Variants in PBLD observed in about 807,000 individuals in gnomAD.
PBLD encodes phenazine biosynthesis like protein domain containing.
Under a neutral mutation model 31.3 loss-of-function variants are expected in PBLD, and 26 were observed. The observed-to-expected ratio is 0.83, with a 90% confidence interval of 0.61 to 1.15. The LOEUF is 1.15. Ranked by LOEUF, PBLD falls within the 50% of genes most tolerant of loss-of-function variation. The probability of loss-of-function intolerance (pLI) is 0.00; values close to 1 mark genes in which losing one functional copy is unlikely to be tolerated. For missense variants in PBLD, 307 were observed against 351.7 expected, an observed-to-expected ratio of 0.87 and a Z score of 1.02; for synonymous variants, 114 against 129.0, an observed-to-expected ratio of 0.88 and a Z score of 0.79.
chr10:68,297,402 G>A (rs1025752146), intron 2 of PBLD, among the ~76,000 whole-genome samples: 2 of 152,206 alleles, frequency 1.3e-5, no homozygotes, highest in Non-Finnish European at 2.9e-5. Context: ...TCTTTGCATG[G>A]TTCACTCTCT....
chr10:68,312,063 G>A (rs2044676547), intron 1 of PBLD, among the ~76,000 whole-genome samples: 1 of 152,172 alleles, frequency 6.6e-6, no homozygotes, highest in African/African-American at 2.4e-5. Flanking sequence ...TAAGTCAGGG[G>A]CCATCTGTAT....
chr10:68,318,162 G>A (rs991083344), intron 1 of PBLD, among the ~76,000 whole-genome samples: 2 of 151,944 alleles, frequency 1.3e-5, no homozygotes, highest in South Asian at 4.2e-4. Flanking sequence ...GGGAGGCGGA[G>A]TTTGCAGTGA....
chr10:68,298,757 TACAC>T (rs57358655), intron 2 of PBLD, among the ~76,000 whole-genome samples: 1,986 of 147,256 alleles, frequency 0.013, 21 homozygotes, highest in South Asian at 0.019. Context: ...TGCATACGAA[TACAC>T]ACACACACAC....
chr10:68,312,854 G>A (rs186994627), intron 1 of PBLD, among the ~76,000 whole-genome samples: 31 of 151,830 alleles, frequency 2.0e-4, no homozygotes, highest in Non-Finnish European at 3.7e-4. Context: ...CTTGAGATCC[G>A]CCCACCTCGG....
At chr10:68,294,237 T>G (rs1281304621) in intron 4 of PBLD, among the ~76,000 whole-genome samples, 2 of 152,174 alleles carry the variant, frequency 1.3e-5, no homozygotes, top group Non-Finnish European at 2.9e-5. Context: ...CTCCTCTCGC[T>G]CTAGCTCATC....
chr10:68,297,511 C>G (rs925110678), intron 2 of PBLD, among the ~76,000 whole-genome samples: 1 of 152,158 alleles, frequency 6.6e-6, no homozygotes, highest in Admixed American at 6.5e-5. Context: ...GCTTAGATGT[C>G]CTGAAATTGC....
At chr10:68,322,833 A>G (rs1315191256) in intron 1 of PBLD, among the ~76,000 whole-genome samples, 3 of 151,922 alleles carry the variant, frequency 2.0e-5, no homozygotes, top group Admixed American at 6.6e-5. Context: ...GCTCACTGCA[A>G]CCTTGAGAGG....
At chr10:68,319,053 G>GAGAGAGAAAGAAAGAA (rs1431193816) in intron 1 of PBLD, among the ~76,000 whole-genome samples, 6 of 98,892 alleles carry the variant, frequency 6.1e-5, no homozygotes, top group South Asian at 4.4e-4. Context: ...AAGAAAGAGA[G>GAGAGAGAAAGAAAGAA]AGAAAGAAAG....
chr10:68,329,829 T>C (rs752422555), intron 1 of PBLD, among the ~76,000 whole-genome samples: 1 of 152,186 alleles, frequency 6.6e-6, no homozygotes, highest in Admixed American at 6.5e-5. Context: ...GATAAGTTAT[T>C]TGTAACCTCA....
At chr10:68,292,512 C>CTTTTT (rs66894235) in intron 4 of PBLD, among the ~76,000 whole-genome samples, 17 of 147,162 alleles carry the variant, frequency 1.2e-4, no homozygotes, top group Non-Finnish European at 1.2e-4. Flanking sequence ...ACTTAGCCTC[C>CTTTTT]TTTTTTTTTT....
intron 1 of PBLD, among the ~76,000 whole-genome samples, chr10:68,317,574 T>G (rs1367257631): frequency 6.6e-6 from 1 of 150,672 alleles, no homozygotes; most frequent in Non-Finnish European, 1.5e-5. Context: ...AAGGAGGGCA[T>G]CCCCTGAGGT....
Position 68,308,845 on chromosome 10 carries a change from G to GGTGTGTGTGTGTGTGTGTGT in PBLD, c.-59-1962_-59-1943dup, listed in dbSNP as rs374363010. 1.2e-3 allele frequency among the ~76,000 whole-genome samples: 151 copies of GGTGTGTGTGTGTGTGTGTGT among 130,400 alleles called. 2 individuals are homozygous for GGTGTGTGTGTGTGTGTGTGT. Among genetic ancestry groups the GGTGTGTGTGTGTGTGTGTGT allele is most frequent in the African/African-American group, 2.9e-3 (101 of 35,148 alleles). The allele number at this position is 130,400 out of a possible 152,430, so 85.5% of individuals were successfully genotyped here. On this transcript the variant is annotated intron_variant, in intron 1 of 9. Coordinates refer to ENST00000358769, the MANE Select transcript of PBLD (RefSeq NM_022129.4). ...GTGCCCCACTGCACCTGACCTGCAT[G>GGTGTGTGTGTGTGTGTGTGT]GTGTGTGTGTGTGTGTGTGTGTGTG...
chr10:68,327,764 A>G (rs2134557581), intron 1 of PBLD, among the ~76,000 whole-genome samples: 1 of 151,810 alleles, frequency 6.6e-6, no homozygotes, highest in East Asian at 1.9e-4. Flanking sequence ...TAATGTGCTT[A>G]TGACACACTA....
chr10:68,287,497 G>C (rs2044303692), intron 8 of PBLD: 2 of 152,268 alleles, frequency 1.3e-5, no homozygotes, highest in African/African-American at 2.4e-5. Flanking sequence ...GTTACTCAGA[G>C]AGTAACTGAG....
intron 2 of PBLD, among the ~76,000 whole-genome samples, chr10:68,301,148 G>A (rs1317053752): frequency 1.3e-5 from 2 of 152,060 alleles, no homozygotes; most frequent in Admixed American, 6.6e-5. Context: ...CACCCACCTC[G>A]GCCTCCCAAA....
chr10:68,297,297 A>G (rs2044442830), intron 2 of PBLD, among the ~76,000 whole-genome samples: 1 of 152,150 alleles, frequency 6.6e-6, no homozygotes, highest in African/African-American at 2.4e-5. Flanking sequence ...TCTAAAAACA[A>G]TCTCCACACA....
chr10:68,304,579 A>AAAAG (rs915164841), intron 2 of PBLD, among the ~76,000 whole-genome samples: 110 of 152,356 alleles, frequency 7.2e-4, no homozygotes, highest in African/African-American at 2.0e-3. Context: ...AGAGAGAGAA[A>AAAAG]AAAGAAAGAA....
chr10:68,317,595 A>G (rs557818878), intron 1 of PBLD, among the ~76,000 whole-genome samples: 1 of 152,122 alleles, frequency 6.6e-6, no homozygotes, highest in South Asian at 2.1e-4. Flanking sequence ...CAGGAGTTTG[A>G]GACGAGCCTG....
At chr10:68,300,155 T>C (rs1157476758) in intron 2 of PBLD, among the ~76,000 whole-genome samples, 1 of 152,090 alleles carries the variant, frequency 6.6e-6, no homozygotes, top group East Asian at 1.9e-4. Context: ...CCTCCCAAAG[T>C]GCTAGAACTA....
Sources: allele counts gnomAD v4.1 joint callset (sites outside exome capture counted in the v4.1 genomes callset), GRCh38; gene constraint gnomAD v4.1.1; transcripts MANE v1.5; gene names NCBI Gene and HGNC (gene_info 2026-07-23, HGNC 2026-07-21).